ARHGEF33: variants seen among roughly 807,000 people sequenced by gnomAD.
ARHGEF33 encodes DH and coiled-coil domain-containing protein ENSP00000381780.
In ARHGEF33, 72 loss-of-function variants were observed where a neutral mutation model predicts 101.9. The ratio of observed to expected loss-of-function variants is 0.71; its 90% CI spans 0.58 to 0.86. The LOEUF (loss-of-function observed/expected upper bound fraction) is 0.86. ARHGEF33 is among the 40% of genes least tolerant of loss of function. The probability of loss-of-function intolerance (pLI) is 0.00; values close to 1 mark genes in which losing one functional copy is unlikely to be tolerated. For missense variants in ARHGEF33, 1,169 were observed against 1,111.3 expected (o/e 1.05, Z -0.74); for synonymous variants, 499 against 442.5 (o/e 1.13, Z -1.60).
intron 16 of ARHGEF33, among the ~76,000 whole-genome samples, chr2:38,962,591 G>GAGATACAAAAT (rs1176639226): frequency 3.3e-5 from 5 of 152,104 alleles, no homozygotes; most frequent in African/African-American, 9.6e-5. Context: ...GAGATACCAA[G>GAGATACAAAAT]GAAATTGCAA....
intron 2 of ARHGEF33, among the ~76,000 whole-genome samples, chr2:38,901,055 C>T (rs1188340372): frequency 6.6e-6 from 1 of 152,154 alleles, no homozygotes; most frequent in Non-Finnish European, 1.5e-5. Flanking sequence ...TGTGTTGCTA[C>T]TCAAGCCTGC....
At chr2:38,898,553 T>C (rs995343204) in intron 2 of ARHGEF33, among the ~76,000 whole-genome samples, 7 of 152,212 alleles carry the variant, frequency 4.6e-5, no homozygotes, top group African/African-American at 1.7e-4. Flanking sequence ...TTAACATCTC[T>C]ATATTAAGCA....
At chr2:38,906,282 TA>T (rs1296728086) in intron 2 of ARHGEF33, among the ~76,000 whole-genome samples, 1 of 151,302 alleles carries the variant, frequency 6.6e-6, no homozygotes, top group African/African-American at 2.4e-5. Context: ...AGTTTGGAGG[TA>T]GGGGGATGGA....
chr2:38,892,607 C>T (rs1666029991), intron 1 of ARHGEF33, among the ~76,000 whole-genome samples: 1 of 152,326 alleles, frequency 6.6e-6, no homozygotes, highest in East Asian at 1.9e-4. Flanking sequence ...AAAGTTAAGG[C>T]TCTGCTAAAA....
intron 2 of ARHGEF33, among the ~76,000 whole-genome samples, chr2:38,905,092 C>A (rs1382497230): frequency 6.6e-6 from 1 of 151,600 alleles, no homozygotes; most frequent in Admixed American, 6.6e-5. Context: ...AATGTGATTT[C>A]AACAGACTGA....
At position 38,937,403 on chromosome 2, in the gene ARHGEF33, A is replaced by G; in HGVS notation, c.634A>G (p.Lys212Glu). ...TTGCCTCTCGGCTGATATCCAGTCC[A>G]AGGGCCATCTCCCATCTGGCATGTG... ...KSCLSADIQS[K>E]GHLPSGMWRQ... Residue 212 changes from lysine to glutamate, a missense_variant, in exon 9 of 18, where the codon AAG (lysine) becomes GAG (glutamate). Lys to Glu is a moderately conservative substitution (Grantham distance 56). Coordinates refer to ENST00000409978, the MANE Select transcript of ARHGEF33 (RefSeq NM_001145451.5). 1.3e-6 allele frequency: 2 copies of G among 1,504,208 alleles called. No individual in the cohort carries two copies. Among genetic ancestry groups the G allele is most frequent in the Non-Finnish European group, 1.8e-6 (2 of 1,120,958 alleles). 93.2% of individuals were successfully genotyped at this position (1,504,208 alleles called of 1,614,324 possible). A position where few individuals can be genotyped will look rare whatever the true frequency, so the allele number is the denominator to read the frequency against.
chr2:38,962,193 T>A (rs1312791124), intron 16 of ARHGEF33, among the ~76,000 whole-genome samples: 3 of 152,220 alleles, frequency 2.0e-5, no homozygotes, highest in Non-Finnish European at 4.4e-5. Context: ...GAAATCAATC[T>A]TAGGCATGTG....
chr2:38,924,850 T>C (rs1398821980), intron 4 of ARHGEF33, among the ~76,000 whole-genome samples: 1 of 152,196 alleles, frequency 6.6e-6, no homozygotes, highest in Non-Finnish European at 1.5e-5. Flanking sequence ...GAATTTATTC[T>C]AAGGAAATAA....
At chr2:38,910,185 G>A (rs1666477926) in intron 2 of ARHGEF33, among the ~76,000 whole-genome samples, 1 of 152,072 alleles carries the variant, frequency 6.6e-6, no homozygotes, top group African/African-American at 2.4e-5. Flanking sequence ...TCTGCAGATA[G>A]TTGTTCTGGA....
chr2:38,920,438 G>A (rs959494690), intron 3 of ARHGEF33, among the ~76,000 whole-genome samples: 7 of 109,212 alleles, frequency 6.4e-5, no homozygotes, highest in South Asian at 5.9e-4. Context: ...ACAGAGTTTC[G>A]CTCTTGTCGC....
intron 17 of ARHGEF33, among the ~76,000 whole-genome samples, chr2:38,969,004 G>A (rs1668113039): frequency 6.6e-6 from 1 of 152,166 alleles, no homozygotes; most frequent in Non-Finnish European, 1.5e-5. Flanking sequence ...TTTTAACTCA[G>A]ATGAGAACAC....
At chr2:38,925,663 T>A (rs1666854435) in intron 4 of ARHGEF33, among the ~76,000 whole-genome samples, 1 of 152,224 alleles carries the variant, frequency 6.6e-6, no homozygotes, top group African/African-American at 2.4e-5. Context: ...TGTTGCTTCT[T>A]CAGTGACCCT....
chr2:38,922,797 G>A (rs1409941806), intron 4 of ARHGEF33, among the ~76,000 whole-genome samples: 2 of 152,196 alleles, frequency 1.3e-5, no homozygotes, highest in African/African-American at 4.8e-5. Context: ...GGATGAATTA[G>A]TATTGACTGG....
At chr2:38,958,936 GGTTTTACCAT>G (rs1667843891) in intron 15 of ARHGEF33, among the ~76,000 whole-genome samples, 1 of 152,152 alleles carries the variant, frequency 6.6e-6, no homozygotes, top group Non-Finnish European at 1.5e-5. Flanking sequence ...GTAGAGACGG[GGTTTTACCAT>G]GTTGGCCAGG....
chr2:38,934,035 C>T lies in ARHGEF33; in HGVS notation c.506-1740C>T, dbSNP rs552601109. The stretch of plus-strand genomic sequence containing the variant: ...AGATGTTTAGCCTCCCTACTCCTGA[C>T]ATATTCTTGCTTGAGAAAATTGAAA... On this transcript the variant is annotated intron_variant, in intron 7 of 17. Coordinates refer to ENST00000409978, the MANE Select transcript of ARHGEF33 (RefSeq NM_001145451.5). Among the ~76,000 whole-genome samples, 6 of 152,344 alleles carry T rather than the reference C, an allele frequency of 3.9e-5. No homozygotes were observed. The East Asian group carries it at 1.2e-3, about 29-fold the overall frequency.
chr2:38,950,173 CT>C (rs1386028468), intron 10 of ARHGEF33, among the ~76,000 whole-genome samples: 1 of 152,170 alleles, frequency 6.6e-6, no homozygotes, highest in African/African-American at 2.4e-5. Flanking sequence ...AAGAAACCCT[CT>C]GATACCCTAC....
intron 7 of ARHGEF33, among the ~76,000 whole-genome samples, chr2:38,933,667 G>A (rs756790586): frequency 5.9e-5 from 9 of 152,308 alleles, no homozygotes; most frequent in African/African-American, 1.4e-4. Flanking sequence ...GAGGCACCAC[G>A]ACCGACCCAT....
intron 2 of ARHGEF33, among the ~76,000 whole-genome samples, chr2:38,903,574 C>T (rs1197316668): frequency 6.6e-6 from 1 of 152,114 alleles, no homozygotes; most frequent in Non-Finnish European, 1.5e-5. Context: ...AGTGGGCAAA[C>T]ACCAGGCAGT....
chr2:38,946,547 G>A (rs956435378), intron 10 of ARHGEF33, among the ~76,000 whole-genome samples: 1 of 151,714 alleles, frequency 6.6e-6, no homozygotes, highest in Non-Finnish European at 1.5e-5. Flanking sequence ...TTCTATTTTA[G>A]GGTTAGATTT....
Sources: gnomAD v4.1 joint callset for allele counts (sites outside exome capture counted in the v4.1 genomes callset) on GRCh38, gnomAD v4.1.1 for gene constraint, MANE v1.5 for transcripts, NCBI Gene and HGNC (gene_info 2026-07-23, HGNC 2026-07-21) for gene names.